CLIC5: variants seen among roughly 807,000 people sequenced by gnomAD.
The protein encoded by CLIC5 is CLIC family member 5, also known as chloride intracellular channel protein 5.
A neutral mutation model predicts 24.7 loss-of-function variants in CLIC5; 20 were observed. That is an observed-to-expected ratio of 0.81 (90% CI 0.57 to 1.18). The LOEUF (loss-of-function observed/expected upper bound fraction) is 1.18. CLIC5 is among the 50% of genes most tolerant of loss of function. CLIC5 has a pLI of 0.00. For synonymous variants in CLIC5, 159 were observed against 135.6 expected, an observed-to-expected ratio of 1.17 and a Z score of -1.20; for missense variants, 341 against 326.1, an observed-to-expected ratio of 1.05 and a Z score of -0.35.
At chr6:45,930,924 G>A (rs962521546) in intron 4 of CLIC5, among the ~76,000 whole-genome samples, 3 of 152,228 alleles carry the variant, frequency 2.0e-5, no homozygotes, top group Admixed American at 6.5e-5. Flanking sequence ...GCCACGGACT[G>A]CCTAAGATTG....
At chr6:45,938,905 A>C (rs961880276) in intron 4 of CLIC5, among the ~76,000 whole-genome samples, 5 of 152,112 alleles carry the variant, frequency 3.3e-5, no homozygotes, top group Admixed American at 2.0e-4. Flanking sequence ...TAGACAAGTC[A>C]TGGGTCTTCT....
the CLIC5 span, among the ~76,000 whole-genome samples, chr6:46,087,466 C>T: frequency 6.6e-6 from 1 of 152,158 alleles, no homozygotes; most frequent in East Asian, 1.9e-4. Context: ...GCTTCATCCT[C>T]TCCCTGCCCC....
At chr6:45,912,686 T>C in intron 5 of CLIC5, 1 of 1,535,174 alleles carries the variant, frequency 6.5e-7, no homozygotes, top group East Asian at 2.4e-5. Flanking sequence ...TGTATCACTC[T>C]GACACAGTGT....
chr6:46,110,829 A>G, the CLIC5 span, among the ~76,000 whole-genome samples: 1 of 152,232 alleles, frequency 6.6e-6, no homozygotes, highest in Non-Finnish European at 1.5e-5. Context: ...GATTTTCTCC[A>G]GCAAAGCCAA....
intron 1 of CLIC5, among the ~76,000 whole-genome samples, chr6:46,063,653 G>A (rs1387973392): frequency 2.0e-5 from 3 of 152,136 alleles, no homozygotes; most frequent in African/African-American, 4.8e-5. Context: ...TCAAGTATGG[G>A]GAAAGAACTA....
chr6:46,119,646 C>T, the CLIC5 span, among the ~76,000 whole-genome samples: 4 of 152,250 alleles, frequency 2.6e-5, no homozygotes, highest in Non-Finnish European at 5.9e-5. Context: ...ATCGCCTCAT[C>T]AGGGAAGTAC....
intron 1 of CLIC5, among the ~76,000 whole-genome samples, chr6:46,007,160 C>T (rs1766616051): frequency 6.6e-6 from 1 of 152,186 alleles, no homozygotes; most frequent in Admixed American, 6.5e-5. Context: ...GACTGGCCTG[C>T]CAGCACTTCA....
intron 1 of CLIC5, among the ~76,000 whole-genome samples, chr6:45,989,230 G>C (rs1765845742): frequency 6.6e-6 from 1 of 152,170 alleles, no homozygotes; most frequent in Non-Finnish European, 1.5e-5. Flanking sequence ...TGTTTTAGGA[G>C]AACATTGTCT....
intron 1 of CLIC5, among the ~76,000 whole-genome samples, chr6:46,077,123 T>C (rs1452021073): frequency 1.3e-5 from 2 of 152,138 alleles, no homozygotes; most frequent in Non-Finnish European, 2.9e-5. Flanking sequence ...GACGAGACTT[T>C]TTTTTTCTTC....
In CLIC5 at chr6:46,032,422, T is replaced by C. The variant is rs150660172; in HGVS notation, c.540+47281A>G. Among the ~76,000 whole-genome samples, 210 of 152,338 alleles carry C rather than the reference T, an allele frequency of 1.4e-3. 2 individuals carry two copies. The highest frequency in any genetic ancestry group is 9.7e-3 in the South Asian group (47 of 4,832). On this transcript the variant is annotated intron_variant, in intron 1 of 5. Coordinates refer to the CLIC5 transcript ENST00000185206. ...AAGTGGTTATTTCAGGATAGTAAGA[T>C]TGGGGAGGGAGAACTTTTCAGCTTT...
At chr6:46,058,997 G>T (rs528108248) in intron 1 of CLIC5, among the ~76,000 whole-genome samples, 17 of 152,272 alleles carry the variant, frequency 1.1e-4, no homozygotes, top group African/African-American at 2.9e-4. Context: ...AAGCTGTGGG[G>T]TTTTTTCTAG....
intron 1 of CLIC5, among the ~76,000 whole-genome samples, chr6:46,075,459 C>T (rs1050077488): frequency 3.9e-5 from 6 of 152,116 alleles, no homozygotes; most frequent in African/African-American, 1.4e-4. Flanking sequence ...GTGGTGCACA[C>T]CTGTGGTCCC....
the CLIC5 span, among the ~76,000 whole-genome samples, chr6:46,093,260 C>G: frequency 2.0e-5 from 3 of 152,118 alleles, no homozygotes; most frequent in African/African-American, 7.2e-5. Context: ...TCTATCTTGC[C>G]CCATTTTTCC....
At chr6:45,889,884 T>C (rs965434597) in intron 6 of CLIC5, among the ~76,000 whole-genome samples, 3 of 152,198 alleles carry the variant, frequency 2.0e-5, no homozygotes, top group African/African-American at 7.2e-5. Context: ...TAGAAATGAC[T>C]TAAATATCTA....
intron 1 of CLIC5, among the ~76,000 whole-genome samples, chr6:46,075,361 A>T (rs1247862096): frequency 6.6e-6 from 1 of 152,140 alleles, no homozygotes; most frequent in Non-Finnish European, 1.5e-5. Flanking sequence ...TGAGCCCAGG[A>T]GTTTAAGAAC....
At chr6:46,041,499 T>C (rs1454349845) in intron 1 of CLIC5, among the ~76,000 whole-genome samples, 2 of 152,206 alleles carry the variant, frequency 1.3e-5, no homozygotes, top group African/African-American at 2.4e-5. Flanking sequence ...CTACCTTTTA[T>C]TGCTCATCCC....
At position 45,941,707 on chromosome 6, in the gene CLIC5, G is replaced by A; in HGVS notation, c.300-54C>T. 4 of 1,295,626 alleles carry A rather than the reference G, an allele frequency of 3.1e-6. 1 individual carries two copies. In the South Asian group the frequency reaches 4.7e-5, roughly 15 times the overall value. 80.3% of individuals were successfully genotyped at this position (1,295,626 alleles called of 1,614,324 possible). The stretch of plus-strand genomic sequence containing the variant: ...ATCAGTAGACTTGGAGCTCCTTTAA[G>A]GGTGAGCCTATCCCTATCATGATAA... On this transcript the variant is annotated intron_variant, in intron 3 of 5. Coordinates refer to ENST00000339561, the MANE Select transcript of CLIC5 (RefSeq NM_016929.5).
intron 1 of CLIC5, among the ~76,000 whole-genome samples, chr6:46,013,620 G>A (rs1766882187): frequency 1.3e-5 from 2 of 152,226 alleles, no homozygotes; most frequent in South Asian, 2.1e-4. Context: ...AATTATTTGG[G>A]GAACGCTGCA....
rs765538500 is a variant in CLIC5, at chr6:45,914,386, C to G, written c.430G>C (p.Ala144Pro). 3 of 1,582,988 alleles carry G rather than the reference C, an allele frequency of 1.9e-6. No individual in the cohort carries two copies. Among genetic ancestry groups the G allele is most frequent in the South Asian group, 2.3e-5 (2 of 87,874 alleles). Residue 144 changes from alanine (A) to proline (P), a missense_variant, in exon 5 of 6, where the codon GCT becomes CCT. By Grantham distance (27) the Ala-to-Pro change is conservative. Coordinates refer to ENST00000339561, the MANE Select transcript of CLIC5 (RefSeq NM_016929.5). ...AGGTAGTCATCCAATTTCTTTAGAG[C>G]CTTGGTTAGGCCTCTTTCAAGAGCT... ...NAALERGLTK[A>P]LKKLDDYLNT...
Sources: allele counts gnomAD v4.1 joint callset (sites outside exome capture counted in the v4.1 genomes callset), GRCh38; gene constraint gnomAD v4.1.1; transcripts MANE v1.5; gene names NCBI Gene and HGNC (gene_info 2026-07-23, HGNC 2026-07-21).